The following ZNF638 variants were observed in gnomAD, a reference collection of about 807,000 sequenced individuals.
ZNF638 encodes CTCL tumor antigen se33-1.
A neutral mutation model predicts 195.6 loss-of-function variants in ZNF638; 46 were observed. The observed-to-expected ratio is 0.24, with a 90% CI of 0.19 to 0.30. The LOEUF (loss-of-function observed/expected upper bound fraction) is 0.30, where lower values mean the gene tolerates loss of function less well. Ranked by LOEUF, ZNF638 falls within the 10% of genes least tolerant of loss-of-function variation. The pLI is 1.00. For missense variants in ZNF638, 2,440 were observed against 2,325.3 expected, an observed-to-expected ratio of 1.05 and a Z score of -1.01; for synonymous variants, 845 against 772.0, an observed-to-expected ratio of 1.09 and a Z score of -1.57.
rs772399682 is a variant in ZNF638, at chr2:71,426,497, C to T, written c.4628C>T (p.Thr1543Ile). The T allele has an allele frequency of 6.3e-7, 1 of 1,589,672 alleles. No homozygotes were observed. The highest frequency in any genetic ancestry group is 1.2e-5 in the South Asian group (1 of 86,412). The change falls in exon 24 of 28, where the codon ACT becomes ATT. Residue 1543 changes from threonine (T) to isoleucine (I), a missense_variant. By Grantham distance (89) the Thr-to-Ile change is moderately conservative. Transcript: ENST00000264447. ...LFPFNLDEFV[T>I]VDEVIEEVNP... Reference sequence around the variant, plus strand: ...CCATTTAATTTGGATGAATTTGTTACTGTGGATGAGGTTATAGAAGAAGTG... The same window carrying T: ...CCATTTAATTTGGATGAATTTGTTATTGTGGATGAGGTTATAGAAGAAGTG...
chr2:71,386,227 G>T, intron 10 of ZNF638, among the ~76,000 whole-genome samples: 1 of 148,344 alleles, frequency 6.7e-6, no homozygotes, highest in Non-Finnish European at 1.5e-5. Context: ...CCAGGAGGTC[G>T]ACGCTTCAGT....
chr2:71,423,254 CAGA>C lies in ZNF638; in HGVS notation c.3744_3746del (p.Glu1248del), dbSNP rs374387044. 8.3e-5 allele frequency: 134 copies of C among 1,614,006 alleles called. 1 individual carries two copies. In the South Asian group the frequency reaches 1.2e-3, roughly 15 times the overall value. ...ATTCTAGAAGAATCTCCATCTGAAG[CAGA>C]AGATTTCATTTCTGGAATTACACAG... is the stretch of plus-strand genomic sequence containing the variant. On this transcript the variant is annotated inframe_deletion, in exon 22 of 28. Coordinates refer to ENST00000264447, the MANE Select transcript of ZNF638 (RefSeq NM_014497.5).
chr2:71,421,554 A>G (rs906644651), intron 21 of ZNF638, among the ~76,000 whole-genome samples: 3 of 152,154 alleles, frequency 2.0e-5, no homozygotes, highest in African/African-American at 7.2e-5. Context: ...TGGTAGCACA[A>G]CTTTCTTAAA....
At chr2:71,393,522 G>A (rs1052190124) in intron 10 of ZNF638, 8 of 717,800 alleles carry the variant, frequency 1.1e-5, no homozygotes, top group African/African-American at 5.2e-5. Flanking sequence ...TTCCTCAGAC[G>A]ACACAAGCCC....
Position 71,349,355 on chromosome 2 carries a change from G to A in ZNF638, c.401G>A (p.Arg134His), listed in dbSNP as rs368733519. The A allele has an allele frequency of 1.4e-5, 23 of 1,614,088 alleles. No homozygotes were observed. In the African/African-American group the frequency reaches 1.7e-4, roughly 12 times the overall value. ...VTEQSPKVQSRYTKESASSIL... is the reference protein window; with the variant it reads ...VTEQSPKVQSHYTKESASSIL... ...GAGCAGAGTCCCAAAGTACAGAGCC[G>A]CTATACAAAAGAGAGTGCCTCAAGT... The change falls in exon 2 of 28, where the codon CGC becomes CAC. Residue 134 changes from arginine to histidine, a missense_variant. This residue lies in a region of ZNF638 where 191 missense variants were observed against 173.8 expected (regional missense o/e 1.10). Transcript: ENST00000264447.
At chr2:71,338,370 T>C (rs2078707568) in intron 1 of ZNF638, among the ~76,000 whole-genome samples, 1 of 152,232 alleles carries the variant, frequency 6.6e-6, no homozygotes, top group African/African-American at 2.4e-5. Context: ...TATGTATTTA[T>C]GGACTCTGTT....
At chr2:71,395,097 T>C (rs925460819) in intron 10 of ZNF638, 1 of 600,734 alleles carries the variant, frequency 1.7e-6, no homozygotes, top group Non-Finnish European at 3.1e-6. Flanking sequence ...AATTCTAGAA[T>C]CCCTAAACGC....
chr2:71,431,479 G>T, intron 26 of ZNF638, 51 bp downstream of exon 26: 1 of 1,544,226 alleles, frequency 6.5e-7, no homozygotes, highest in South Asian at 1.1e-5. Context: ...TTAAAAGTCG[G>T]CCGGGCGCGG....
At chr2:71,405,709 G>C (rs1322001583) in intron 18 of ZNF638, 67 bp downstream of exon 18, 1 of 1,190,446 alleles carries the variant, frequency 8.4e-7, no homozygotes, top group African/African-American at 1.6e-5. Context: ...TTACTTGTTT[G>C]CCTTTTAGGA....
intron 2 of ZNF638, among the ~76,000 whole-genome samples, chr2:71,350,764 G>C (rs1162960716): frequency 6.6e-6 from 1 of 152,146 alleles, no homozygotes; most frequent in South Asian, 2.1e-4. Flanking sequence ...ATGTAGACTA[G>C]TGATTTTTAG....
intron 10 of ZNF638, among the ~76,000 whole-genome samples, chr2:71,383,579 T>C (rs1289629951): frequency 8.3e-4 from 121 of 146,508 alleles, no homozygotes; most frequent in Admixed American, 2.1e-3. Context: ...TTTTTTTTTT[T>C]TTCTTCTTTT....
Position 71,353,182 on chromosome 2 carries a change from T to C in ZNF638, c.1318-2537T>C, listed in dbSNP as rs776374430. On this transcript the variant is annotated intron_variant, in intron 2 of 27. Transcript: ENST00000264447. ...TTGAGTAAATCTGACAATATGTATA[T>C]TCCCCACCTTCGAGTCTTTGAAACT... 3.3e-4 allele frequency among the ~76,000 whole-genome samples: 50 copies of C among 152,356 alleles called. No individual in the cohort carries two copies. In the Middle Eastern group the frequency reaches 0.01, roughly 31 times the overall value.
chr2:71,424,616 TC>T, intron 22 of ZNF638, 33 bp from the exon 23 acceptor site: 1 of 1,548,860 alleles, frequency 6.5e-7, no homozygotes, highest in Non-Finnish European at 8.8e-7. Flanking sequence ...GGTTGTAAAT[TC>T]CGTTTTTCTG....
At chr2:71,394,379 TTATAC>T (rs2079850507) in intron 10 of ZNF638, among the ~76,000 whole-genome samples, 1 of 152,108 alleles carries the variant, frequency 6.6e-6, no homozygotes, top group Non-Finnish European at 1.5e-5. Context: ...CCAGTAACAA[TTATAC>T]TATGACCTTT....
rs1360263661 is a variant in ZNF638, at chr2:71,423,122, A to G, written c.3608A>G (p.Gln1203Arg). Residue 1203 changes from glutamine (Q) to arginine (R), a missense_variant, in exon 22 of 28, where the codon CAG becomes CGG. Around this residue, in one of 5 missense-constraint regions of ZNF638, gnomAD observed 1,883 missense variants for 1,739.1 expected, o/e 1.08. Transcript: ENST00000264447. ...ENAEECALNQ[Q>R]MFNSDLEKKG... ...GCCGAGGAGTGTGCTTTAAATCAGC[A>G]GATGTTTAACAGTGACTTGGAGAAG... 6.2e-7 allele frequency: 1 copy of G among 1,614,022 alleles called. No individual in the cohort carries two copies. The highest frequency in any genetic ancestry group is 8.5e-7 in the Non-Finnish European group (1 of 1,180,008).
rs371739439 is a variant in ZNF638, at chr2:71,389,116, C to T, written c.2378-7025C>T. Among the ~76,000 whole-genome samples the T allele has an allele frequency of 2.1e-4, 32 of 152,190 alleles. 1 individual carries two copies. The highest frequency in any genetic ancestry group is 7.2e-4 in the African/African-American group (30 of 41,532). ...GAGAAGGAACCATCACCTACCTTACCGCCGCCTCCTCTTCCCTCAGCCCTG... is the reference window on the plus strand; with the variant it reads ...GAGAAGGAACCATCACCTACCTTACTGCCGCCTCCTCTTCCCTCAGCCCTG... On this transcript the variant is annotated intron_variant, in intron 10 of 27. Coordinates refer to ENST00000264447, the MANE Select transcript of ZNF638 (RefSeq NM_014497.5).
intron 1 of ZNF638, among the ~76,000 whole-genome samples, chr2:71,339,115 A>G (rs1051667835): frequency 1.3e-5 from 2 of 150,632 alleles, no homozygotes; most frequent in African/African-American, 2.4e-5. Context: ...AAAGACTTCA[A>G]GGCTTAAGGC....
intron 23 of ZNF638, 27 bp downstream of exon 23, chr2:71,424,742 C>A: frequency 6.4e-7 from 1 of 1,565,554 alleles, no homozygotes; most frequent in Non-Finnish European, 8.8e-7. Flanking sequence ...AGACCCTAAC[C>A]CTTCTTTTTC....
At chr2:71,410,341 C>T (rs374986316) in intron 20 of ZNF638, among the ~76,000 whole-genome samples, 12 of 151,674 alleles carry the variant, frequency 7.9e-5, no homozygotes, top group South Asian at 2.1e-4. Flanking sequence ...CCACCATGCC[C>T]GGCTAACTTT....
Sources: allele counts gnomAD v4.1 joint callset (sites outside exome capture counted in the v4.1 genomes callset), GRCh38; gene constraint gnomAD v4.1.1; regional missense constraint gnomAD v4.1.1; transcripts MANE v1.5; gene names NCBI Gene and HGNC (gene_info 2026-07-23, HGNC 2026-07-21).